Variants in TRIO observed in about 807,000 individuals in gnomAD.
TRIO encodes trio Rho guanine nucleotide exchange factor, also known as triple functional domain protein.
In TRIO, 58 loss-of-function variants were observed where a neutral mutation model predicts 351.9. The observed-to-expected ratio is 0.16, with a 90% CI of 0.13 to 0.21. The LOEUF is 0.21. TRIO is among the 10% of genes least tolerant of loss of function. The pLI is 1.00. For missense variants in TRIO, 3,201 were observed against 4,027.8 expected (o/e 0.79, Z 5.56); for synonymous variants, 1,758 against 1,595.7 (o/e 1.10, Z -2.42).
At chr5:14,263,147 T>A (rs1795460233) in intron 1 of TRIO, among the ~76,000 whole-genome samples, 1 of 152,204 alleles carries the variant, frequency 6.6e-6, no homozygotes, top group African/African-American at 2.4e-5. Context: ...CTGGCCCTGA[T>A]TTTTCCATAC....
At chr5:14,265,322 T>G (rs922674443) in intron 1 of TRIO, among the ~76,000 whole-genome samples, 1 of 152,154 alleles carries the variant, frequency 6.6e-6, no homozygotes, top group Admixed American at 6.5e-5. Flanking sequence ...CAGTTTTTAC[T>G]GGAAAACTCA....
chr5:14,177,316 G>A (rs1421718742), intron 1 of TRIO, among the ~76,000 whole-genome samples: 2 of 152,060 alleles, frequency 1.3e-5, no homozygotes, highest in Admixed American at 6.6e-5. Context: ...GGTAATCACC[G>A]GGATATGAGC....
Position 14,486,556 on chromosome 5 carries a change from A to G in TRIO, c.6836-908A>G, listed in dbSNP as rs147555115. On this transcript the variant is annotated intron_variant, in intron 47 of 56. Coordinates refer to ENST00000344204, the MANE Select transcript of TRIO (RefSeq NM_007118.4). The stretch of plus-strand genomic sequence containing the variant: ...TTCTTATGTGGTGCATTGAGTTCCA[A>G]TCCATAGCTTGGAATTGAGAATGCT... Among the ~76,000 whole-genome samples the G allele has an allele frequency of 1.3e-4, 20 of 152,264 alleles. No homozygotes were observed. In the East Asian group the frequency reaches 3.3e-3, roughly 25 times the overall value.
chr5:14,268,850 A>G (rs1795836281), intron 1 of TRIO, among the ~76,000 whole-genome samples: 1 of 152,180 alleles, frequency 6.6e-6, no homozygotes, highest in African/African-American at 2.4e-5. Context: ...ATCTGTGTCC[A>G]CGGCAGCCAC....
At chr5:14,229,963 C>G (rs1348902026) in intron 1 of TRIO, among the ~76,000 whole-genome samples, 1 of 152,204 alleles carries the variant, frequency 6.6e-6, no homozygotes, top group East Asian at 1.9e-4. Flanking sequence ...CAAACTCCTT[C>G]TCTAAGCACC....
intron 34 of TRIO, among the ~76,000 whole-genome samples, chr5:14,454,075 A>G (rs1484265045): frequency 6.6e-6 from 1 of 152,116 alleles, no homozygotes; most frequent in Non-Finnish European, 1.5e-5. Context: ...GACTACAGGC[A>G]TGCGACACGA....
Position 14,508,284 on chromosome 5 carries a change from C to T in TRIO, c.9156C>T (p.Ala3052=), listed in dbSNP as rs367632509. 32 of 1,613,742 alleles carry T rather than the reference C, an allele frequency of 2.0e-5. No homozygotes were observed. Among genetic ancestry groups the T allele is most frequent in the African/African-American group, 1.9e-4 (14 of 74,914 alleles). The part of the protein sequence containing the change: ...ALALQEQWLQ[A]GNGRSTGVLD... ...CCCTCCAGGAGCAGTGGCTGCAGGC[C>T]GGCAACGGCAGAAGCACGGGCGTCC... The change falls in exon 57 of 57, where the codon GCC becomes GCT. Residue 3052 remains alanine, a synonymous_variant. Coordinates refer to ENST00000344204, the MANE Select transcript of TRIO (RefSeq NM_007118.4).
At chr5:14,188,878 G>A (rs1219011651) in intron 1 of TRIO, among the ~76,000 whole-genome samples, 1 of 152,188 alleles carries the variant, frequency 6.6e-6, no homozygotes, top group East Asian at 1.9e-4. Flanking sequence ...TGTAGTTCAA[G>A]TCGAAATACT....
At position 14,400,987 on chromosome 5, in the gene TRIO, C is replaced by T; in HGVS notation, c.4639C>T (p.His1547Tyr). 1 of 1,613,986 alleles carries T rather than the reference C, an allele frequency of 6.2e-7. No individual in the cohort carries two copies. The highest frequency in any genetic ancestry group is 8.5e-7 in the Non-Finnish European group (1 of 1,179,958). ...LFTSELGVTE[H>Y]VEGDPCKFAL... is the part of the protein sequence containing the mutation. ...GACCTCAGAGTTGGGTGTCACAGAACATGTTGAAGGAGACCCTTGCAAATT... is the reference window on the plus strand; with the variant it reads ...GACCTCAGAGTTGGGTGTCACAGAATATGTTGAAGGAGACCCTTGCAAATT... The change falls in exon 31 of 57, where the codon CAT becomes TAT. Residue 1547 changes from histidine to tyrosine, a missense_variant. By Grantham distance (83) the His-to-Tyr change is moderately conservative. This residue lies in a region of TRIO where 136 missense variants were observed against 229.5 expected (regional missense o/e 0.59). Coordinates refer to ENST00000344204, the MANE Select transcript of TRIO (RefSeq NM_007118.4).
chr5:14,426,806 C>T (rs1290205171), intron 34 of TRIO, among the ~76,000 whole-genome samples: 2 of 152,176 alleles, frequency 1.3e-5, no homozygotes, highest in Non-Finnish European at 2.9e-5. Flanking sequence ...ACTCTCAGCA[C>T]AGACGGTCAT....
At chr5:14,460,002 G>A (rs923715836) in intron 34 of TRIO, among the ~76,000 whole-genome samples, 10 of 151,804 alleles carry the variant, frequency 6.6e-5, no homozygotes, top group Admixed American at 2.6e-4. Flanking sequence ...CGCAAGCTCC[G>A]CCTCCTGGGT....
chr5:14,194,632 G>C (rs1010189078), intron 1 of TRIO, among the ~76,000 whole-genome samples: 1 of 152,204 alleles, frequency 6.6e-6, no homozygotes, highest in African/African-American at 2.4e-5. Flanking sequence ...GCATATCTCT[G>C]AATATTTAGT....
At chr5:14,189,096 A>C (rs1790308523) in intron 1 of TRIO, among the ~76,000 whole-genome samples, 1 of 152,236 alleles carries the variant, frequency 6.6e-6, no homozygotes, top group Admixed American at 6.5e-5. Context: ...ATAAGCGTTA[A>C]GGAATCACAT....
rs749252053 is a variant in TRIO at position 14,461,242 on chromosome 5, C to T, written c.5427C>T (p.Ser1809=). The change falls in exon 35 of 57, where the codon AGC becomes AGT. Residue 1809 remains serine (S), a synonymous_variant. Coordinates refer to ENST00000344204, the MANE Select transcript of TRIO (RefSeq NM_007118.4). ...AGAAGAGCCGCGAGGTCCGCAAGAG[C>T]GCCGACGCCGGCTCGCAGAAGGACT... ...KHKKSREVRK[S]ADAGSQKDSD... 8.8e-6 allele frequency: 14 copies of T among 1,588,322 alleles called. No individual in the cohort carries two copies. Among genetic ancestry groups the T allele is most frequent in the Admixed American group, 1.8e-5 (1 of 56,922 alleles).
chr5:14,355,509 A>G (rs1203904677), intron 11 of TRIO, among the ~76,000 whole-genome samples: 2 of 152,152 alleles, frequency 1.3e-5, no homozygotes. Flanking sequence ...AATTTAAGTG[A>G]TCTTTTAGGT....
intron 1 of TRIO, among the ~76,000 whole-genome samples, chr5:14,146,482 A>G (rs1360522795): frequency 2.0e-5 from 3 of 152,126 alleles, no homozygotes; most frequent in Non-Finnish European, 4.4e-5. Context: ...TGTTGCCCGC[A>G]TTCGGCTTTG....
At chr5:14,281,452 T>G in intron 3 of TRIO, among the ~76,000 whole-genome samples, 1 of 80,982 alleles carries the variant, frequency 1.2e-5, no homozygotes. Flanking sequence ...GTGATCCAAT[T>G]ACCACCCACC....
At chr5:14,382,987 G>A (rs905847059) in intron 21 of TRIO, among the ~76,000 whole-genome samples, 2 of 152,078 alleles carry the variant, frequency 1.3e-5, no homozygotes, top group Admixed American at 1.3e-4. Context: ...AACTTGCTCT[G>A]TTACCCAGGC....
At chr5:14,404,336 G>C (rs1365740995) in intron 31 of TRIO, among the ~76,000 whole-genome samples, 2 of 152,032 alleles carry the variant, frequency 1.3e-5, no homozygotes, top group African/African-American at 2.4e-5. Flanking sequence ...TAGGACCTTG[G>C]TATTTAGTAC....
Sources: allele counts gnomAD v4.1 joint callset (sites outside exome capture counted in the v4.1 genomes callset), GRCh38; gene constraint gnomAD v4.1.1; regional missense constraint gnomAD v4.1.1; transcripts MANE v1.5; gene names NCBI Gene and HGNC (gene_info 2026-07-23, HGNC 2026-07-21).